DNAH7: variants seen among roughly 807,000 people sequenced by gnomAD.
DNAH7 encodes the protein dynein axonemal heavy chain 7, also known as axonemal beta dynein heavy chain 7.
DNAH7 carries 397 observed loss-of-function variants against 444.6 expected under a neutral mutation model. The ratio of observed to expected loss-of-function variants is 0.89; its 90% CI spans 0.82 to 0.97. The LOEUF (loss-of-function observed/expected upper bound fraction) is 0.97, where lower values mean the gene tolerates loss of function less well. DNAH7 is among the 50% of genes least tolerant of loss of function. The pLI, the probability that DNAH7 is intolerant of heterozygous loss-of-function variation, is 0.00. For synonymous variants in DNAH7, 1,636 were observed against 1,624.4 expected, an observed-to-expected ratio of 1.01 and a Z score of -0.17; for missense variants, 4,902 against 4,800.8, an observed-to-expected ratio of 1.02 and a Z score of -0.62.
At chr2:195,754,012 C>A (rs1336614622) in intron 63 of DNAH7, among the ~76,000 whole-genome samples, 2 of 152,088 alleles carry the variant, frequency 1.3e-5, no homozygotes. Context: ...TTGATGATTA[C>A]CTTCTTAACA....
At chr2:195,984,481 G>C in intron 15 of DNAH7, 151 bp downstream of exon 15, 2 of 692,622 alleles carry the variant, frequency 2.9e-6, no homozygotes, top group Non-Finnish European at 2.3e-6. Context: ...CCGAGTAGCT[G>C]GGACTACAGG....
At chr2:196,012,719 T>G in intron 10 of DNAH7, 68 bp downstream of exon 10, 1 of 1,528,884 alleles carries the variant, frequency 6.5e-7, no homozygotes, top group Non-Finnish European at 8.9e-7. Flanking sequence ...TAAAAGCAGT[T>G]AAAATGCAGT....
chr2:195,909,084 GGT>G (rs1687206483), intron 25 of DNAH7, among the ~76,000 whole-genome samples: 1 of 152,072 alleles, frequency 6.6e-6, no homozygotes, highest in Admixed American at 6.6e-5. Context: ...CCTGTTTGAG[GGT>G]GGAGGGTGGG....
At chr2:195,896,781 T>C (rs1702345125) in intron 29 of DNAH7, among the ~76,000 whole-genome samples, 1 of 152,210 alleles carries the variant, frequency 6.6e-6, no homozygotes, top group Non-Finnish European at 1.5e-5. Flanking sequence ...TCCTTGTTGA[T>C]TTGCTCCATA....
intron 57 of DNAH7, among the ~76,000 whole-genome samples, chr2:195,793,708 C>A (rs1696000015): frequency 6.6e-6 from 1 of 152,158 alleles, no homozygotes; most frequent in African/African-American, 2.4e-5. Context: ...ATTCAGACAT[C>A]AAGCGTGTGA....
At chr2:196,023,219 T>A (rs1236665441) in intron 8 of DNAH7, among the ~76,000 whole-genome samples, 1 of 152,116 alleles carries the variant, frequency 6.6e-6, no homozygotes, top group African/African-American at 2.4e-5. Context: ...TCACTCTTCA[T>A]CCTGCTCTCT....
chr2:196,016,646 C>T (rs1266334054), intron 9 of DNAH7, among the ~76,000 whole-genome samples: 1 of 152,218 alleles, frequency 6.6e-6, no homozygotes, highest in Non-Finnish European at 1.5e-5. Context: ...TGTATAATCT[C>T]ATTACATTCT....
intron 51 of DNAH7, among the ~76,000 whole-genome samples, chr2:195,815,253 C>G (rs6744374): frequency 0.47 from 71,247 of 151,746 alleles, 18,128 homozygotes; most frequent in Non-Finnish European, 0.59. Context: ...TTTCAAATAT[C>G]ATAAAGATGA....
chr2:195,799,546 G>T, intron 54 of DNAH7, 74 bp from the exon 55 acceptor site: 1 of 1,360,916 alleles, frequency 7.3e-7, no homozygotes. Flanking sequence ...TAGATTCAAA[G>T]GAGTTTTAAA....
At chr2:195,740,603 GTGTGTGTGTGTGTATA>G (rs1368908571) in intron 64 of DNAH7, among the ~76,000 whole-genome samples, 147 bp downstream of exon 64, 10 of 52,026 alleles carry the variant, frequency 1.9e-4, no homozygotes, top group African/African-American at 1.0e-3. Flanking sequence ...GTGTGTGTGT[GTGTGTGTGTGTGTATA>G]TATATATATA....
intron 5 of DNAH7, among the ~76,000 whole-genome samples, chr2:196,036,141 C>T (rs770000146): frequency 1.3e-5 from 2 of 151,910 alleles, no homozygotes; most frequent in Non-Finnish European, 2.9e-5. Context: ...AAGCGATTCC[C>T]CTGCCTCAGC....
intron 19 of DNAH7, among the ~76,000 whole-genome samples, chr2:195,946,091 A>G (rs1689784225): frequency 6.6e-6 from 1 of 152,090 alleles, no homozygotes; most frequent in Non-Finnish European, 1.5e-5. Context: ...ACAGGAAAAA[A>G]ACTCTGGGAG....
At chr2:195,784,547 G>C (rs1695522005) in intron 58 of DNAH7, among the ~76,000 whole-genome samples, 1 of 152,188 alleles carries the variant, frequency 6.6e-6, no homozygotes, top group African/African-American at 2.4e-5. Flanking sequence ...TATGAATAAA[G>C]CTTCTACACA....
chr2:195,862,414 A>G (rs1034865376), intron 41 of DNAH7, among the ~76,000 whole-genome samples: 1 of 152,180 alleles, frequency 6.6e-6, no homozygotes, highest in African/African-American at 2.4e-5. Context: ...AGATTCCAGT[A>G]GCATCCAAAC....
chr2:195,987,842 T>C, intron 13 of DNAH7, 115 bp downstream of exon 13: 1 of 1,046,298 alleles, frequency 9.6e-7, no homozygotes, highest in Non-Finnish European at 1.4e-6. Context: ...TCAATAAATA[T>C]TTTTCCTGTT....
chr2:195,798,782 G>A (rs1351509240), intron 55 of DNAH7, among the ~76,000 whole-genome samples: 4 of 151,892 alleles, frequency 2.6e-5, no homozygotes, highest in Non-Finnish European at 2.9e-5. Flanking sequence ...TCCTGACCTC[G>A]TGATCTGCCC....
At chr2:196,013,328 T>C (rs926962976) in intron 9 of DNAH7, among the ~76,000 whole-genome samples, 5 of 152,060 alleles carry the variant, frequency 3.3e-5, no homozygotes, top group African/African-American at 4.8e-5. Flanking sequence ...GAGTCTCACA[T>C]CTAATCAAGA....
At chr2:195,970,927 T>A (rs1259784139) in intron 16 of DNAH7, among the ~76,000 whole-genome samples, 2 of 152,192 alleles carry the variant, frequency 1.3e-5, no homozygotes, top group Admixed American at 1.3e-4. Context: ...TGTGTGTAGT[T>A]TGTGGAATAG....
At chr2:195,984,408 C>T (rs556684963) in intron 15 of DNAH7, among the ~76,000 whole-genome samples, 8 of 152,014 alleles carry the variant, frequency 5.3e-5, no homozygotes, top group East Asian at 1.9e-4. Context: ...AGTGCAGTGG[C>T]GCAATCTCGA....
Sources: allele counts gnomAD v4.1 joint callset (sites outside exome capture counted in the v4.1 genomes callset), GRCh38; gene constraint gnomAD v4.1.1; transcripts MANE v1.5; gene names NCBI Gene and HGNC (gene_info 2026-07-23, HGNC 2026-07-21).